Variants in UNC13C observed in about 807,000 individuals in gnomAD.
UNC13C encodes the protein protein unc-13 homolog C.
UNC13C carries 174 observed loss-of-function variants against 245.4 expected under a neutral mutation model. That is an observed-to-expected ratio of 0.71 (90% confidence interval 0.63 to 0.80). The LOEUF (loss-of-function observed/expected upper bound fraction) is 0.80, where lower values mean the gene tolerates loss of function less well. Ranked by LOEUF, UNC13C falls within the 30% of genes least tolerant of loss-of-function variation. The pLI is 0.00. For missense variants in UNC13C, 2,829 were observed against 2,602.9 expected (o/e 1.09, Z -1.89); for synonymous variants, 992 against 895.1 (o/e 1.11, Z -1.93).
At chr15:53,924,604 C>G in the UNC13C span, among the ~76,000 whole-genome samples, 1 of 152,126 alleles carries the variant, frequency 6.6e-6, no homozygotes, top group East Asian at 1.9e-4. Flanking sequence ...TGCTGATTAT[C>G]TTGTGCTTTG....
chr15:54,623,910 A>G lies in UNC13C; in HGVS notation c.6315A>G (p.Thr2105=), dbSNP rs546984991. The G allele has an allele frequency of 9.3e-6, 15 of 1,613,364 alleles. No homozygotes were observed. The South Asian group carries it at 1.5e-4, about 17-fold the overall frequency. The change falls in exon 32 of 33, where the codon ACA becomes ACG. Residue 2105 remains threonine (T), a synonymous_variant. Coordinates refer to ENST00000260323, the MANE Select transcript of UNC13C (RefSeq NM_001080534.3). ...GDKKRKQGTK[T]KSNTWSPKYN... ...AGAAGAGAAAACAAGGCACAAAAACAAAAAGCAACACATGGTCACCAAAGT... is the reference window on the plus strand; with the variant it reads ...AGAAGAGAAAACAAGGCACAAAAACGAAAAGCAACACATGGTCACCAAAGT...
At chr15:54,314,319 A>G (rs1031757975) in intron 13 of UNC13C, among the ~76,000 whole-genome samples, 2 of 151,940 alleles carry the variant, frequency 1.3e-5, no homozygotes, top group South Asian at 2.1e-4. Flanking sequence ...ACAAAAAAAG[A>G]TAAGTATGGG....
At chr15:54,546,573 T>C (rs1896489884) in intron 26 of UNC13C, 149 bp from the exon 27 acceptor site, 1 of 418,066 alleles carries the variant, frequency 2.4e-6, no homozygotes, top group South Asian at 8.8e-5. Context: ...AATTATCTAA[T>C]GTACAGAATC....
At chr15:54,560,820 A>C (rs542243470) in intron 29 of UNC13C, among the ~76,000 whole-genome samples, 1 of 152,142 alleles carries the variant, frequency 6.6e-6, no homozygotes, top group South Asian at 2.1e-4. Flanking sequence ...TGGAAATAAT[A>C]CTACTACTTA....
intron 4 of UNC13C, among the ~76,000 whole-genome samples, chr15:54,146,066 T>C (rs1338547027): frequency 3.3e-5 from 5 of 152,226 alleles, no homozygotes. Context: ...ATGCTTATTT[T>C]CTCTTAAAGA....
intron 17 of UNC13C, among the ~76,000 whole-genome samples, chr15:54,349,604 A>C (rs1341475956): frequency 6.6e-6 from 1 of 152,178 alleles, no homozygotes; most frequent in Non-Finnish European, 1.5e-5. Flanking sequence ...TGAATGCAAA[A>C]ATGGTTCAAC....
chr15:54,573,197 T>C (rs192346484), intron 30 of UNC13C, among the ~76,000 whole-genome samples: 1 of 152,328 alleles, frequency 6.6e-6, no homozygotes, highest in East Asian at 1.9e-4. Flanking sequence ...TTTTTCCTTC[T>C]TCACCTCTTT....
intron 17 of UNC13C, among the ~76,000 whole-genome samples, chr15:54,361,462 C>A (rs943640460): frequency 6.6e-6 from 1 of 152,080 alleles, no homozygotes; most frequent in African/African-American, 2.4e-5. Flanking sequence ...GGAGATAATT[C>A]TGAATTTTCT....
At chr15:54,423,801 T>G (rs146758172) in intron 19 of UNC13C, among the ~76,000 whole-genome samples, 96 of 151,972 alleles carry the variant, frequency 6.3e-4, no homozygotes, top group African/African-American at 2.1e-3. Flanking sequence ...AACTTTGTAT[T>G]TTTTCTATCA....
intron 2 of UNC13C, among the ~76,000 whole-genome samples, chr15:54,075,106 C>T (rs1271537352): frequency 6.6e-6 from 1 of 152,088 alleles, no homozygotes; most frequent in African/African-American, 2.4e-5. Flanking sequence ...TCTTCTATCA[C>T]TCAAAGAATA....
intron 19 of UNC13C, among the ~76,000 whole-genome samples, chr15:54,444,499 C>T (rs148266217): frequency 5.9e-5 from 9 of 151,804 alleles, no homozygotes; most frequent in African/African-American, 1.2e-4. Context: ...ATATCTTTTA[C>T]GTAGGAAAAT....
intron 18 of UNC13C, among the ~76,000 whole-genome samples, chr15:54,404,385 A>G (rs578109301): frequency 2.7e-4 from 41 of 152,274 alleles, no homozygotes; most frequent in African/African-American, 8.9e-4. Flanking sequence ...AAATTGGATT[A>G]TTAAATTGTT....
intron 2 of UNC13C, among the ~76,000 whole-genome samples, chr15:54,125,815 C>T (rs1489641632): frequency 6.6e-6 from 1 of 152,044 alleles, no homozygotes; most frequent in Non-Finnish European, 1.5e-5. Context: ...GTTTTCTTTG[C>T]TTTGAAGTCT....
chr15:54,236,392 A>C, intron 5 of UNC13C, 38 bp from the exon 6 acceptor site: 1 of 1,537,938 alleles, frequency 6.5e-7, no homozygotes, highest in Non-Finnish European at 8.9e-7. Context: ...GTATCTAATT[A>C]TTTACATTTT....
At position 54,014,806 on chromosome 15, in the gene UNC13C, T is replaced by C. The variant is rs1214717629; in HGVS notation, c.1903T>C (p.Cys635Arg). ...VDSGMSNGMV[C>R]ASGDRSHYSD... is the part of the protein sequence containing the mutation. Reference sequence around the variant, plus strand: ...TAGTGGAATGAGTAATGGCATGGTGTGTGCATCTGGAGACCGGAGTCATTA... The same window carrying C: ...TAGTGGAATGAGTAATGGCATGGTGCGTGCATCTGGAGACCGGAGTCATTA... The change falls in exon 2 of 33, where the codon TGT (cysteine) becomes CGT (arginine). Residue 635 changes from cysteine (C) to arginine (R), a missense_variant. By Grantham distance (180) the Cys-to-Arg change is radical. Transcript: ENST00000260323. The C allele has an allele frequency of 6.8e-6, 11 of 1,613,860 alleles. No individual in the cohort carries two copies. The highest frequency in any genetic ancestry group is 7.6e-6 in the Non-Finnish European group (9 of 1,179,832).
intron 3 of UNC13C, 148 bp from the exon 4 acceptor site, chr15:54,143,472 C>G: frequency 1.6e-6 from 1 of 606,148 alleles, no homozygotes; most frequent in Non-Finnish European, 2.9e-6. Flanking sequence ...AACACAGTAG[C>G]TTTGACTTGG....
intron 2 of UNC13C, among the ~76,000 whole-genome samples, chr15:54,032,340 G>A (rs923120081): frequency 6.6e-6 from 1 of 152,160 alleles, no homozygotes; most frequent in African/African-American, 2.4e-5. Context: ...TTGATTACAA[G>A]GCCGGATAAA....
chr15:54,157,897 A>G (rs1188122365), intron 4 of UNC13C, among the ~76,000 whole-genome samples: 3 of 152,228 alleles, frequency 2.0e-5, no homozygotes, highest in Non-Finnish European at 4.4e-5. Flanking sequence ...GGCTAGCCAT[A>G]TGTAGAAAGA....
intron 4 of UNC13C, among the ~76,000 whole-genome samples, chr15:54,225,868 C>T (rs750253322): frequency 6.6e-6 from 1 of 152,122 alleles, no homozygotes; most frequent in Non-Finnish European, 1.5e-5. Flanking sequence ...TAAGAGAGGG[C>T]ATCCTTGTCT....
Sources: allele counts gnomAD v4.1 joint callset (sites outside exome capture counted in the v4.1 genomes callset), GRCh38; gene constraint gnomAD v4.1.1; transcripts MANE v1.5; gene names NCBI Gene and HGNC (gene_info 2026-07-23, HGNC 2026-07-21).